The following LHFPL6 variants were observed in gnomAD, a reference collection of about 807,000 sequenced individuals.
LHFPL6 encodes LHFPL tetraspan subfamily member 6.
LHFPL6 carries 9 observed loss-of-function variants against 20.6 expected under a neutral mutation model. The observed-to-expected ratio is 0.44, with a 90% CI of 0.26 to 0.76. The LOEUF (loss-of-function observed/expected upper bound fraction) is 0.76, where lower values mean the gene tolerates loss of function less well. Among genes scored for constraint, LHFPL6 ranks in the 30% least tolerant of loss-of-function variants. The pLI, the probability that LHFPL6 is intolerant of heterozygous loss-of-function variation, is 0.20. For synonymous variants in LHFPL6, 105 were observed against 98.7 expected, an observed-to-expected ratio of 1.06 and a Z score of -0.38; for missense variants, 218 against 253.5, an observed-to-expected ratio of 0.86 and a Z score of 0.95.
intron 3 of LHFPL6, among the ~76,000 whole-genome samples, chr13:39,358,724 G>C (rs1011289594): frequency 1.3e-5 from 2 of 152,026 alleles, no homozygotes; most frequent in African/African-American, 4.8e-5. Flanking sequence ...TTAATAAGTG[G>C]GCAAAGGACA....
intron 2 of LHFPL6, among the ~76,000 whole-genome samples, chr13:39,434,820 G>A (rs954173788): frequency 2.6e-5 from 4 of 152,096 alleles, no homozygotes; most frequent in African/African-American, 7.2e-5. Flanking sequence ...ACTTTGGGAG[G>A]CCGAGGCGGG....
intron 2 of LHFPL6, among the ~76,000 whole-genome samples, chr13:39,554,920 A>G (rs912622084): frequency 2.6e-5 from 4 of 152,236 alleles, no homozygotes; most frequent in Non-Finnish European, 5.9e-5. Context: ...ATACAACAGT[A>G]CAATGCTTGA....
At chr13:39,570,804 T>G (rs1230796541) in intron 2 of LHFPL6, among the ~76,000 whole-genome samples, 6 of 152,176 alleles carry the variant, frequency 3.9e-5, no homozygotes, top group Admixed American at 3.3e-4. Flanking sequence ...TGCATGGGCA[T>G]GCCACGTGTG....
chr13:39,432,801 G>C (rs138920415), intron 2 of LHFPL6, among the ~76,000 whole-genome samples: 11 of 152,230 alleles, frequency 7.2e-5, no homozygotes, highest in Admixed American at 1.3e-4. Context: ...GTAGGACCTA[G>C]AACACTGCCT....
At chr13:39,534,935 C>T (rs1870570305) in intron 2 of LHFPL6, among the ~76,000 whole-genome samples, 1 of 152,106 alleles carries the variant, frequency 6.6e-6, no homozygotes. Flanking sequence ...AAATTTGTTC[C>T]CTCACTGCTT....
At chr13:39,347,741 T>C (rs974852642) in intron 3 of LHFPL6, among the ~76,000 whole-genome samples, 1 of 152,220 alleles carries the variant, frequency 6.6e-6, no homozygotes, top group Non-Finnish European at 1.5e-5. Context: ...ATTCTTTAGC[T>C]AGATTAAATA....
chr13:39,498,573 C>T (rs911392945), intron 2 of LHFPL6, among the ~76,000 whole-genome samples: 4 of 152,194 alleles, frequency 2.6e-5, no homozygotes, highest in African/African-American at 9.7e-5. Context: ...CTGAATAATT[C>T]AAGTATGCAG....
chr13:39,397,580 T>C (rs530438704), intron 2 of LHFPL6, among the ~76,000 whole-genome samples: 1 of 152,358 alleles, frequency 6.6e-6, no homozygotes, highest in East Asian at 1.9e-4. Context: ...AGGTCATATA[T>C]CCCTCTTTCC....
intron 2 of LHFPL6, among the ~76,000 whole-genome samples, chr13:39,585,577 A>G (rs944802443): frequency 4.6e-5 from 7 of 152,248 alleles, no homozygotes; most frequent in African/African-American, 1.7e-4. Context: ...GGTGACTGAC[A>G]GCAATTTTCA....
chr13:39,563,529 A>C (rs1032683125), intron 2 of LHFPL6, among the ~76,000 whole-genome samples: 3 of 152,208 alleles, frequency 2.0e-5, no homozygotes, highest in African/African-American at 7.2e-5. Flanking sequence ...ATATTCTTAG[A>C]GGGTAAAAGC....
chr13:39,440,316 G>A (rs932399539), intron 2 of LHFPL6, among the ~76,000 whole-genome samples: 9 of 152,066 alleles, frequency 5.9e-5, no homozygotes, highest in African/African-American at 2.2e-4. Context: ...GCTTTGGTGT[G>A]GTCTACACTC....
chr13:39,435,737 C>T (rs956401596), intron 2 of LHFPL6, among the ~76,000 whole-genome samples: 16 of 152,058 alleles, frequency 1.1e-4, no homozygotes, highest in African/African-American at 3.9e-4. Flanking sequence ...TTTGGTGTGA[C>T]ATCAAAGAAG....
chr13:39,481,179 G>C (rs1868507226), intron 2 of LHFPL6, among the ~76,000 whole-genome samples: 1 of 152,116 alleles, frequency 6.6e-6, no homozygotes, highest in Non-Finnish European at 1.5e-5. Context: ...TTAATTTTAT[G>C]ATGGTAATTG....
At chr13:39,524,666 A>G (rs1174044133) in intron 2 of LHFPL6, among the ~76,000 whole-genome samples, 1 of 152,214 alleles carries the variant, frequency 6.6e-6, no homozygotes, top group South Asian at 2.1e-4. Flanking sequence ...TGGCACCAAT[A>G]TCAACCATGC....
intron 2 of LHFPL6, among the ~76,000 whole-genome samples, chr13:39,564,083 T>G (rs2138523996): frequency 6.6e-6 from 1 of 151,508 alleles, no homozygotes; most frequent in South Asian, 2.1e-4. Flanking sequence ...CGAGAGTCAT[T>G]AAATCCAGGA....
intron 2 of LHFPL6, among the ~76,000 whole-genome samples, chr13:39,430,883 C>G (rs1007751128): frequency 3.3e-5 from 5 of 152,196 alleles, no homozygotes; most frequent in Non-Finnish European, 5.9e-5. Context: ...TTATCCAAGC[C>G]AGCAGCGGCA....
At chr13:39,370,251 G>A (rs868649668) in intron 3 of LHFPL6, among the ~76,000 whole-genome samples, 4 of 152,156 alleles carry the variant, frequency 2.6e-5, no homozygotes, top group Admixed American at 6.6e-5. Context: ...CCAAGTTCCT[G>A]AGTGCCCCCA....
At chr13:39,371,900 T>G (rs1357265792) in intron 3 of LHFPL6, among the ~76,000 whole-genome samples, 1 of 152,210 alleles carries the variant, frequency 6.6e-6, no homozygotes, top group African/African-American at 2.4e-5. Flanking sequence ...GGGGAGAAGC[T>G]TGTCCTCTCC....
At chr13:39,415,044 C>T (rs1871314406) in intron 2 of LHFPL6, among the ~76,000 whole-genome samples, 3 of 152,168 alleles carry the variant, frequency 2.0e-5, no homozygotes, top group African/African-American at 2.4e-5. Context: ...CTTTCTAACC[C>T]GTCTGTGGCA....
Sources: gnomAD v4.1 joint callset for allele counts (sites outside exome capture counted in the v4.1 genomes callset) on GRCh38, gnomAD v4.1.1 for gene constraint, MANE v1.5 for transcripts, NCBI Gene and HGNC (gene_info 2026-07-23, HGNC 2026-07-21) for gene names.